The following TBC1D5 variants were observed in gnomAD, a reference collection of about 807,000 sequenced individuals.
TBC1D5 encodes the protein TBC1 domain family, member 5.
Under a neutral mutation model 100.3 loss-of-function variants are expected in TBC1D5, and 75 were observed. The observed-to-expected ratio is 0.75, with a 90% CI of 0.62 to 0.91. The LOEUF (loss-of-function observed/expected upper bound fraction) is 0.91, where lower values mean the gene tolerates loss of function less well. Among genes scored for constraint, TBC1D5 ranks in the 40% least tolerant of loss-of-function variants. The probability of loss-of-function intolerance (pLI) is 0.00; values close to 1 mark genes in which losing one functional copy is unlikely to be tolerated. For missense variants in TBC1D5, 910 were observed against 942.4 expected (o/e 0.97, Z 0.45); for synonymous variants, 323 against 325.6 (o/e 0.99, Z 0.09).
At chr3:17,662,405 T>C (rs1449201888) in intron 1 of TBC1D5, among the ~76,000 whole-genome samples, 1 of 152,214 alleles carries the variant, frequency 6.6e-6, no homozygotes, top group African/African-American at 2.4e-5. Context: ...CCTTTGAATA[T>C]CAGCAACCAG....
chr3:17,720,541 T>G (rs2075609929), intron 1 of TBC1D5, among the ~76,000 whole-genome samples: 1 of 152,186 alleles, frequency 6.6e-6, no homozygotes, highest in South Asian at 2.1e-4. Context: ...GCATGGTGGC[T>G]CACACCTATA....
chr3:17,681,713 A>G (rs1039899160), intron 1 of TBC1D5, among the ~76,000 whole-genome samples: 1 of 151,670 alleles, frequency 6.6e-6, no homozygotes, highest in Non-Finnish European at 1.5e-5. Flanking sequence ...AATGTCAAAC[A>G]TACTACAAAT....
At chr3:17,518,647 T>G (rs2096022068) in intron 2 of TBC1D5, among the ~76,000 whole-genome samples, 1 of 152,196 alleles carries the variant, frequency 6.6e-6, no homozygotes. Flanking sequence ...GAGCCACAAG[T>G]GCAGATACAA....
At chr3:17,675,080 T>C (rs1399631902) in intron 1 of TBC1D5, among the ~76,000 whole-genome samples, 1 of 152,092 alleles carries the variant, frequency 6.6e-6, no homozygotes. Context: ...GATTACATAG[T>C]ATGTATAGGG....
chr3:17,387,711 T>C (rs1251714090), intron 8 of TBC1D5, among the ~76,000 whole-genome samples: 1 of 151,524 alleles, frequency 6.6e-6, no homozygotes, highest in Non-Finnish European at 1.5e-5. Flanking sequence ...AATTTGAACA[T>C]CAGTCTAACC....
chr3:17,543,970 C>T (rs888360474), intron 2 of TBC1D5, among the ~76,000 whole-genome samples: 4 of 151,824 alleles, frequency 2.6e-5, no homozygotes, highest in East Asian at 1.9e-4. Context: ...CAGGTGCAAG[C>T]GATTCGCCTG....
chr3:17,290,541 A>G (rs946868153), intron 15 of TBC1D5, among the ~76,000 whole-genome samples: 1 of 152,230 alleles, frequency 6.6e-6, no homozygotes, highest in East Asian at 1.9e-4. Context: ...GTATGATTCT[A>G]AAAATTCCTA....
chr3:17,206,263 C>T (rs2072170796), intron 18 of TBC1D5, among the ~76,000 whole-genome samples: 1 of 152,182 alleles, frequency 6.6e-6, no homozygotes, highest in Non-Finnish European at 1.5e-5. Flanking sequence ...GTTCATATGG[C>T]ATTTAATCAT....
intron 2 of TBC1D5, among the ~76,000 whole-genome samples, chr3:17,597,082 A>C (rs116648241): frequency 0.01 from 1,597 of 152,318 alleles, 25 homozygotes; most frequent in African/African-American, 0.036. Flanking sequence ...TTCAAGGCTT[A>C]TCTGTGAAGT....
chr3:17,591,400 G>A (rs537132383), intron 2 of TBC1D5, among the ~76,000 whole-genome samples: 39 of 152,098 alleles, frequency 2.6e-4, no homozygotes, highest in African/African-American at 8.7e-4. Flanking sequence ...GACAATTTAT[G>A]CAGTGAATCT....
Position 17,706,270 on chromosome 3 carries a change from C to T in TBC1D5, c.-101+33073G>A. The T allele has an allele frequency of 7.8e-6, 12 of 1,547,498 alleles. No individual in the cohort carries two copies. In the South Asian group the frequency reaches 1.4e-4, roughly 18 times the overall value. On this transcript the variant is annotated intron_variant, in intron 1 of 21. Transcript: ENST00000253692. ...TATTTGTACTTCTTCACATACTCAGCTCTAAAGAGTTGAACTAGAGGGTCT... is the reference window on the plus strand; with the variant it reads ...TATTTGTACTTCTTCACATACTCAGTTCTAAAGAGTTGAACTAGAGGGTCT...
intron 3 of TBC1D5, among the ~76,000 whole-genome samples, chr3:17,439,084 C>G (rs1393665283): frequency 6.6e-6 from 1 of 152,004 alleles, no homozygotes; most frequent in East Asian, 1.9e-4. Flanking sequence ...AAGGAAACAT[C>G]TTTTTCTAGA....
chr3:17,671,733 T>C (rs117035053), intron 1 of TBC1D5, among the ~76,000 whole-genome samples: 2,529 of 152,274 alleles, frequency 0.017, 53 homozygotes, highest in South Asian at 0.048. Context: ...ATTAATTATA[T>C]AGAAAAAACA....
At chr3:17,737,939 C>A (rs955429179) in intron 1 of TBC1D5, among the ~76,000 whole-genome samples, 2 of 152,068 alleles carry the variant, frequency 1.3e-5, no homozygotes, top group Non-Finnish European at 2.9e-5. Flanking sequence ...ACATGCAACA[C>A]TGGACAATGA....
At chr3:17,167,783 T>A (rs761385660) in exon 20 of TBC1D5, 2 of 1,612,684 alleles carry the variant, frequency 1.2e-6, no homozygotes, top group Non-Finnish European at 1.7e-6. Flanking sequence ...CAGAATTTGA[T>A]CTTCTTTTTC....
intron 4 of TBC1D5, among the ~76,000 whole-genome samples, chr3:17,409,148 C>A (rs1476886791): frequency 6.6e-6 from 1 of 152,126 alleles, no homozygotes; most frequent in African/African-American, 2.4e-5. Flanking sequence ...TTTGTGGCAA[C>A]CTTGCATTGA....
intron 13 of TBC1D5, among the ~76,000 whole-genome samples, chr3:17,339,741 G>A (rs1055745754): frequency 6.6e-6 from 1 of 152,174 alleles, no homozygotes; most frequent in African/African-American, 2.4e-5. Context: ...GACATTTGCA[G>A]TGAATTTACT....
At chr3:17,412,472 A>G (rs2093954297) in intron 4 of TBC1D5, among the ~76,000 whole-genome samples, 1 of 152,162 alleles carries the variant, frequency 6.6e-6, no homozygotes. Context: ...GTTTTTTTAC[A>G]ATCACAAATA....
chr3:17,515,636 T>C (rs1382547556), intron 2 of TBC1D5, among the ~76,000 whole-genome samples: 1 of 152,178 alleles, frequency 6.6e-6, no homozygotes, highest in African/African-American at 2.4e-5. Context: ...CCAAGAATTA[T>C]AGGGTAGTTT....
Sources: allele counts gnomAD v4.1 joint callset (sites outside exome capture counted in the v4.1 genomes callset), GRCh38; gene constraint gnomAD v4.1.1; transcripts MANE v1.5; gene names NCBI Gene and HGNC (gene_info 2026-07-23, HGNC 2026-07-21).